The following CCDC141 variants were observed in gnomAD, a reference collection of about 807,000 sequenced individuals.
The protein encoded by CCDC141 is coiled-coil domain containing 141, also known as coiled-coil domain-containing protein 141.
A neutral mutation model predicts 181.0 loss-of-function variants in CCDC141; 168 were observed. That is an observed-to-expected ratio of 0.93 (90% CI 0.82 to 1.05). The LOEUF is 1.05. Ranked by LOEUF, CCDC141 falls within the 50% of genes least tolerant of loss-of-function variation. The pLI is 0.00. For missense variants in CCDC141, 1,902 were observed against 1,788.5 expected (o/e 1.06, Z -1.14); for synonymous variants, 666 against 642.3 (o/e 1.04, Z -0.56).
At chr2:179,047,583 A>G (rs2043541248) in intron 1 of CCDC141, among the ~76,000 whole-genome samples, 177 bp from the exon 2 acceptor site, 1 of 152,210 alleles carries the variant, frequency 6.6e-6, no homozygotes, top group African/African-American at 2.4e-5. Flanking sequence ...GAAACACAAC[A>G]GATCTAATAT....
At chr2:179,037,079 G>T (rs1002219887) in intron 2 of CCDC141, among the ~76,000 whole-genome samples, 2 of 152,232 alleles carry the variant, frequency 1.3e-5, no homozygotes, top group Non-Finnish European at 2.9e-5. Context: ...CCCTAGGTGG[G>T]ACTCTGGCCT....
At chr2:178,896,929 C>G (rs1430449161) in intron 8 of CCDC141, among the ~76,000 whole-genome samples, 1 of 151,976 alleles carries the variant, frequency 6.6e-6, no homozygotes, top group African/African-American at 2.4e-5. Flanking sequence ...TACCTCCCCC[C>G]TCACTTTGTA....
intron 2 of CCDC141, among the ~76,000 whole-genome samples, chr2:179,032,635 T>G (rs1400535964): frequency 6.6e-6 from 1 of 152,150 alleles, no homozygotes; most frequent in Non-Finnish European, 1.5e-5. Flanking sequence ...TCCTTTCCCC[T>G]AATCTATCTG....
chr2:178,897,687 A>G (rs567094787), intron 8 of CCDC141, among the ~76,000 whole-genome samples: 2 of 152,298 alleles, frequency 1.3e-5, no homozygotes, highest in Admixed American at 1.3e-4. Context: ...TGTCAATTAT[A>G]TCAGTTAATT....
intron 11 of CCDC141, among the ~76,000 whole-genome samples, chr2:178,881,907 TCTCTCTCTCACACA>T (rs1305872941): frequency 2.3e-4 from 24 of 106,008 alleles, no homozygotes; most frequent in African/African-American, 8.5e-4. Flanking sequence ...TCTCTCTCTC[TCTCTCTCTCACACA>T]CACACACACA....
chr2:178,887,700 G>A (rs150740927), intron 9 of CCDC141, among the ~76,000 whole-genome samples: 25 of 152,272 alleles, frequency 1.6e-4, no homozygotes, highest in Admixed American at 4.6e-4. Flanking sequence ...AATAACAGGT[G>A]AGGAAGCAAT....
intron 2 of CCDC141, among the ~76,000 whole-genome samples, chr2:179,015,450 A>C (rs573154554): frequency 7.4e-6 from 1 of 135,264 alleles, no homozygotes; most frequent in African/African-American, 2.6e-5. Flanking sequence ...TATCTCATAT[A>C]TGTACCATAT....
chr2:179,033,277 T>C (rs10930851), intron 2 of CCDC141, among the ~76,000 whole-genome samples: 73,585 of 151,700 alleles, frequency 0.49, 20,911 homozygotes, highest in Non-Finnish European at 0.64. Context: ...ACCAATGTGC[T>C]ATGATATTTG....
chr2:178,990,534 G>GAGGAAGGAAGGAAGGAAGGAAGGA (rs146600473), intron 2 of CCDC141, among the ~76,000 whole-genome samples: 1 of 134,378 alleles, frequency 7.4e-6, no homozygotes, highest in African/African-American at 2.9e-5. Context: ...GAAAGAGAGA[G>GAGGAAGGAAGGAAGGAAGGAAGGA]AGGAAGGAAG....
At chr2:179,026,108 G>A (rs1296037659) in intron 2 of CCDC141, among the ~76,000 whole-genome samples, 1 of 152,180 alleles carries the variant, frequency 6.6e-6, no homozygotes, top group African/African-American at 2.4e-5. Flanking sequence ...CATTTTCTGA[G>A]GAAAAATTCA....
chr2:179,013,305 T>C (rs2154384618), intron 2 of CCDC141, among the ~76,000 whole-genome samples: 1 of 152,156 alleles, frequency 6.6e-6, no homozygotes, highest in South Asian at 2.1e-4. Flanking sequence ...AATCAGTAGC[T>C]CTTCTATACA....
chr2:178,941,038 A>G (rs1689488800), intron 6 of CCDC141, among the ~76,000 whole-genome samples: 1 of 152,140 alleles, frequency 6.6e-6, no homozygotes, highest in Non-Finnish European at 1.5e-5. Flanking sequence ...TGTCATGACC[A>G]TGGATTATTA....
At chr2:178,886,898 T>A (rs1230707232) in intron 9 of CCDC141, 27 bp from the exon 10 acceptor site, 1 of 1,310,430 alleles carries the variant, frequency 7.6e-7, no homozygotes, top group African/African-American at 1.5e-5. Context: ...TATATGGCAG[T>A]CTTAGTAATA....
intron 2 of CCDC141, among the ~76,000 whole-genome samples, chr2:178,982,748 C>T (rs1276153201): frequency 6.6e-6 from 1 of 152,198 alleles, no homozygotes; most frequent in Non-Finnish European, 1.5e-5. Flanking sequence ...GAATACTGAG[C>T]TTTTCTGACG....
At chr2:178,962,479 G>C (rs184482589) in intron 4 of CCDC141, among the ~76,000 whole-genome samples, 195 of 152,228 alleles carry the variant, frequency 1.3e-3, no homozygotes, top group Non-Finnish European at 2.1e-3. Context: ...ATCATTTGTT[G>C]CCTGGATGTG....
chr2:178,960,123 C>A (rs1403158530), intron 5 of CCDC141, among the ~76,000 whole-genome samples: 1 of 152,046 alleles, frequency 6.6e-6, no homozygotes, highest in Non-Finnish European at 1.5e-5. Flanking sequence ...GACAGGACAG[C>A]CTCCCACAAC....
intron 6 of CCDC141, among the ~76,000 whole-genome samples, chr2:178,942,355 T>C (rs1402844295): frequency 6.6e-6 from 1 of 152,114 alleles, no homozygotes; most frequent in Non-Finnish European, 1.5e-5. Context: ...TGAAAAGATA[T>C]AGATAAACTT....
At chr2:178,961,090 G>T in intron 5 of CCDC141, 140 bp downstream of exon 5, 1 of 829,890 alleles carries the variant, frequency 1.2e-6, no homozygotes, top group South Asian at 2.0e-5. Context: ...AAACAACATG[G>T]TAGTTTGGAT....
At chr2:178,836,410 T>C (rs1220966475) in intron 23 of CCDC141, 1 of 153,118 alleles carries the variant, frequency 6.5e-6, no homozygotes, top group Non-Finnish European at 1.5e-5. Context: ...GAAATCCTAG[T>C]AAAACAAAAT....
Sources: allele counts gnomAD v4.1 joint callset (sites outside exome capture counted in the v4.1 genomes callset), GRCh38; gene constraint gnomAD v4.1.1; transcripts MANE v1.5; gene names NCBI Gene and HGNC (gene_info 2026-07-23, HGNC 2026-07-21).